The following EIF4EBP2 variants were observed in gnomAD, a reference collection of about 807,000 sequenced individuals.
EIF4EBP2 encodes the protein eukaryotic translation initiation factor 4E binding protein 2.
EIF4EBP2 carries 5 observed loss-of-function variants against 10.3 expected under a neutral mutation model. The observed-to-expected ratio is 0.48, with a 90% CI of 0.25 to 1.02. The LOEUF (loss-of-function observed/expected upper bound fraction) is 1.02, where lower values mean the gene tolerates loss of function less well. Ranked by LOEUF, EIF4EBP2 falls within the 50% of genes least tolerant of loss-of-function variation. EIF4EBP2 has a pLI of 0.15. For missense variants in EIF4EBP2, 188 were observed against 162.2 expected (o/e 1.16, Z -0.86); for synonymous variants, 67 against 61.1 (o/e 1.10, Z -0.45).
intron 1 of EIF4EBP2, 104 bp from the exon 2 acceptor site, chr10:70,419,810 C>T: frequency 1.1e-6 from 1 of 892,284 alleles, no homozygotes. Flanking sequence ...TTGTAAAATC[C>T]TTAAAAGTTA....
intron 1 of EIF4EBP2, 23 bp downstream of exon 1, chr10:70,404,569 C>T (rs1273344151): frequency 1.3e-6 from 2 of 1,520,998 alleles, no homozygotes; most frequent in Admixed American, 4.2e-5. Flanking sequence ...CAGCCGTCCG[C>T]CGCGCCCGGT....
intron 1 of EIF4EBP2, among the ~76,000 whole-genome samples, chr10:70,408,183 CGGGGCGGCTGGCCGGGCGGGGGGCTG>C (rs1845003234): frequency 8.1e-6 from 1 of 123,268 alleles, no homozygotes; most frequent in Non-Finnish European, 1.7e-5. Context: ...CCCTCCCGGA[CGGGGCGGCTGGCCGGGCGGGGGGCTG>C]ACCCCCCCAC....
chr10:70,408,292 C>T (rs1002715976), intron 1 of EIF4EBP2, among the ~76,000 whole-genome samples: 5 of 151,882 alleles, frequency 3.3e-5, no homozygotes, highest in Admixed American at 2.0e-4. Context: ...CGGGCAGAGG[C>T]GCCCCTCACC....
At chr10:70,413,957 G>C (rs1167947198) in intron 1 of EIF4EBP2, among the ~76,000 whole-genome samples, 1 of 152,090 alleles carries the variant, frequency 6.6e-6, no homozygotes, top group Non-Finnish European at 1.5e-5. Flanking sequence ...GTTACTTATG[G>C]CTGCATTGGT....
intron 2 of EIF4EBP2, 124 bp downstream of exon 2, chr10:70,420,223 A>T: frequency 2.1e-5 from 20 of 950,224 alleles, no homozygotes; most frequent in Non-Finnish European, 2.9e-5. Flanking sequence ...TTTTTGAGAC[A>T]CAGTCTCATT....
At chr10:70,405,364 C>T (rs573588988) in intron 1 of EIF4EBP2, among the ~76,000 whole-genome samples, 1 of 152,166 alleles carries the variant, frequency 6.6e-6, no homozygotes, top group Non-Finnish European at 1.5e-5. Flanking sequence ...CCTGGCATTG[C>T]TTTTCAAAGC....
At position 70,419,949 on chromosome 10, in the gene EIF4EBP2, G is replaced by A; in HGVS notation, c.181G>A (p.Asp61Asn). ...RIIYDRKFLL[D>N]RRNSPMAQTP... ...CATTTATGACAGAAAGTTTCTGTTG[G>A]ATCGTCGCAATTCTCCCATGGCTCA... The change falls in exon 2 of 3, where the codon GAT becomes AAT. Residue 61 changes from aspartate to asparagine, a missense_variant. Coordinates refer to ENST00000373218, the MANE Select transcript of EIF4EBP2 (RefSeq NM_004096.5). The A allele has an allele frequency of 6.3e-7, 1 of 1,593,642 alleles. No individual in the cohort carries two copies. The highest frequency in any genetic ancestry group is 8.5e-7 in the Non-Finnish European group (1 of 1,173,844).
chr10:70,416,907 T>C (rs1335506874), intron 1 of EIF4EBP2, among the ~76,000 whole-genome samples: 1 of 152,130 alleles, frequency 6.6e-6, no homozygotes, highest in Non-Finnish European at 1.5e-5. Context: ...GGTCAAGTAA[T>C]ACACGTTGGC....
chr10:70,409,311 T>A (rs188070324), intron 1 of EIF4EBP2, among the ~76,000 whole-genome samples: 124 of 152,284 alleles, frequency 8.1e-4, no homozygotes, highest in Admixed American at 1.6e-3. Context: ...ATTTTATTTT[T>A]TTTTCTATCT....
At chr10:70,413,765 A>C (rs1386488953) in intron 1 of EIF4EBP2, among the ~76,000 whole-genome samples, 1 of 152,208 alleles carries the variant, frequency 6.6e-6, no homozygotes, top group Non-Finnish European at 1.5e-5. Flanking sequence ...TAACTTTCCA[A>C]TATAAGACTA....
intron 1 of EIF4EBP2, among the ~76,000 whole-genome samples, chr10:70,414,444 G>C (rs1448220645): frequency 1.3e-5 from 2 of 152,126 alleles, no homozygotes; most frequent in African/African-American, 4.8e-5. Context: ...GTTCTTCAGT[G>C]TGTCTTGTTG....
At chr10:70,408,471 C>T (rs189201715) in intron 1 of EIF4EBP2, among the ~76,000 whole-genome samples, 1 of 152,318 alleles carries the variant, frequency 6.6e-6, no homozygotes, top group East Asian at 1.9e-4. Flanking sequence ...GGACATGGTG[C>T]CGTTGCAGTT....
Position 70,421,810 on chromosome 10 carries a change from A to G in EIF4EBP2, c.*63A>G. ...ATACTTGTGTGCACCTGATTTGGCC[A>G]ATAGGATCAACAGTGAAAAGACAGA... is the stretch of plus-strand genomic sequence containing the variant. On this transcript the variant is annotated 3_prime_UTR_variant, in exon 3 of 3. Transcript: ENST00000373218. The G allele has an allele frequency of 1.3e-6, 2 of 1,526,494 alleles. No individual in the cohort carries two copies. Among genetic ancestry groups the G allele is most frequent in the Non-Finnish European group, 1.8e-6 (2 of 1,104,014 alleles). The allele number at this position is 1,526,494 out of a possible 1,614,324, so 94.6% of individuals were successfully genotyped here. A position where few individuals can be genotyped will look rare whatever the true frequency, so the allele number is the denominator to read the frequency against.
At chr10:70,409,927 G>A (rs1443416659) in intron 1 of EIF4EBP2, among the ~76,000 whole-genome samples, 1 of 152,180 alleles carries the variant, frequency 6.6e-6, no homozygotes, top group East Asian at 1.9e-4. Flanking sequence ...GATATGATTG[G>A]TTCATTGGGA....
chr10:70,408,401 A>G (rs1268537114), intron 1 of EIF4EBP2, among the ~76,000 whole-genome samples: 2 of 152,192 alleles, frequency 1.3e-5, no homozygotes, highest in African/African-American at 4.8e-5. Flanking sequence ...GGCGTCAGCC[A>G]CTGCGCCTGG....
chr10:70,404,345 C>G lies in EIF4EBP2; in HGVS notation c.-57C>G. 6.7e-7 allele frequency: 1 copy of G among 1,483,204 alleles called. No individual in the cohort carries two copies. Among genetic ancestry groups the G allele is most frequent in the Middle Eastern group, 2.4e-4 (1 of 4,152 alleles). The allele number at this position is 1,483,204 out of a possible 1,614,324, so 91.9% of individuals were successfully genotyped here. On this transcript the variant is annotated 5_prime_UTR_variant, in exon 1 of 3. Coordinates refer to ENST00000373218, the MANE Select transcript of EIF4EBP2 (RefSeq NM_004096.5). ...TCCGCCTGAGGAGCCGAAGCAGCCCCGGCCCCGCCGCCGCCGCCTGCCCGC... is the reference window on the plus strand; with the variant it reads ...TCCGCCTGAGGAGCCGAAGCAGCCCGGGCCCCGCCGCCGCCGCCTGCCCGC...
intron 1 of EIF4EBP2, among the ~76,000 whole-genome samples, chr10:70,410,228 C>T (rs1005475507): frequency 2.6e-5 from 4 of 152,232 alleles, no homozygotes; most frequent in Middle Eastern, 3.4e-3. Context: ...CACCACCACG[C>T]GTGGCTGATT....
chr10:70,412,475 G>A (rs1037830751), intron 1 of EIF4EBP2, among the ~76,000 whole-genome samples: 2 of 152,094 alleles, frequency 1.3e-5, no homozygotes, highest in African/African-American at 4.8e-5. Flanking sequence ...GACTTTCTCT[G>A]TGTGGTTTAA....
chr10:70,418,153 C>T (rs1845116938), intron 1 of EIF4EBP2, among the ~76,000 whole-genome samples: 1 of 152,078 alleles, frequency 6.6e-6, no homozygotes, highest in African/African-American at 2.4e-5. Flanking sequence ...GGGATTTGTG[C>T]CCTTATAAGA....
Sources: gnomAD v4.1 joint callset for allele counts (sites outside exome capture counted in the v4.1 genomes callset) on GRCh38, gnomAD v4.1.1 for gene constraint, MANE v1.5 for transcripts, NCBI Gene and HGNC (gene_info 2026-07-23, HGNC 2026-07-21) for gene names.